Variants in GRIA1 observed in about 807,000 individuals in gnomAD.
GRIA1 encodes the protein glutamate receptor 1.
A neutral mutation model predicts 99.2 loss-of-function variants in GRIA1; 31 were observed. The observed-to-expected ratio is 0.31, with a 90% CI of 0.23 to 0.42. The LOEUF (loss-of-function observed/expected upper bound fraction) is 0.42, where lower values mean the gene tolerates loss of function less well. Ranked by LOEUF, GRIA1 falls within the 10% of genes least tolerant of loss-of-function variation. GRIA1 has a pLI of 1.00. For synonymous variants in GRIA1, 438 were observed against 432.4 expected, an observed-to-expected ratio of 1.01 and a Z score of -0.16; for missense variants, 782 against 1,157.5, an observed-to-expected ratio of 0.68 and a Z score of 4.71.
At chr5:153,732,925 C>CTTTTTTTT (rs1288005494) in intron 11 of GRIA1, among the ~76,000 whole-genome samples, 1 of 127,324 alleles carries the variant, frequency 7.9e-6, no homozygotes, top group Non-Finnish European at 1.7e-5. Context: ...AGTTAAATTT[C>CTTTTTTTT]TTTTTTTTTT....
chr5:153,759,933 C>A (rs1763069862), intron 11 of GRIA1, among the ~76,000 whole-genome samples: 1 of 151,952 alleles, frequency 6.6e-6, no homozygotes, highest in African/African-American at 2.4e-5. Flanking sequence ...TTAATAGAAT[C>A]AAGAACACAA....
chr5:153,585,257 C>G (rs954219696), intron 2 of GRIA1, among the ~76,000 whole-genome samples: 1 of 146,582 alleles, frequency 6.8e-6, no homozygotes. Flanking sequence ...CCCCTCATTT[C>G]TCTCTCTTCT....
chr5:153,762,600 A>G (rs1763257764), intron 11 of GRIA1, among the ~76,000 whole-genome samples: 1 of 152,210 alleles, frequency 6.6e-6, no homozygotes, highest in Admixed American at 6.5e-5. Context: ...TTTAAATCAC[A>G]CAATCTCATA....
intron 14 of GRIA1, among the ~76,000 whole-genome samples, chr5:153,802,147 T>C (rs1377704205): frequency 1.3e-5 from 2 of 152,070 alleles, no homozygotes; most frequent in South Asian, 4.1e-4. Flanking sequence ...GCTTGGAAAA[T>C]GTATAAATAC....
chr5:153,564,251 C>A (rs1761418135), intron 2 of GRIA1, among the ~76,000 whole-genome samples: 1 of 152,102 alleles, frequency 6.6e-6, no homozygotes, highest in African/African-American at 2.4e-5. Context: ...ATGGACTGGG[C>A]CCTGGAGTCT....
intron 14 of GRIA1, chr5:153,795,703 AG>A (rs2149662235): frequency 1.6e-6 from 1 of 608,814 alleles, no homozygotes; most frequent in Non-Finnish European, 2.9e-6. Context: ...GGGCCCCAGC[AG>A]GGCCTTGATG....
intron 5 of GRIA1, among the ~76,000 whole-genome samples, chr5:153,659,867 C>T (rs1252804586): frequency 6.6e-6 from 1 of 152,198 alleles, no homozygotes; most frequent in East Asian, 1.9e-4. Context: ...TGTTGGACAA[C>T]ATTGACCAGT....
In GRIA1 at chr5:153,698,107, G is replaced by C; in HGVS notation, c.1198G>C (p.Asp400His). ...AGCCACCGATGCCCAAGCTGGGGGCGATAATTCAAGTGTTCAGAACAGAAC... is the reference window on the plus strand; with the variant it reads ...AGCCACCGATGCCCAAGCTGGGGGCCATAATTCAAGTGTTCAGAACAGAAC... ...PAATDAQAGG[D>H]NSSVQNRTYI... The change falls in exon 9 of 16, where the codon GAT becomes CAT. Residue 400 changes from aspartate to histidine, a missense_variant. By Grantham distance (81) the Asp-to-His change is moderately conservative. Around this residue, in one of 5 missense-constraint regions of GRIA1, gnomAD observed 461 missense variants for 521.7 expected, o/e 0.88. Coordinates refer to ENST00000285900, the MANE Select transcript of GRIA1 (RefSeq NM_000827.4). 6.2e-7 allele frequency: 1 copy of C among 1,610,450 alleles called. No homozygotes were observed. The highest frequency in any genetic ancestry group is 8.5e-7 in the Non-Finnish European group (1 of 1,176,734).
At chr5:153,688,565 A>C (rs1757504829) in intron 8 of GRIA1, among the ~76,000 whole-genome samples, 1 of 152,170 alleles carries the variant, frequency 6.6e-6, no homozygotes, top group African/African-American at 2.4e-5. Flanking sequence ...AGCTATAGTA[A>C]ATGTTGAAGA....
chr5:153,679,686 G>T (rs1756838360), intron 7 of GRIA1, among the ~76,000 whole-genome samples: 2 of 152,338 alleles, frequency 1.3e-5, no homozygotes, highest in East Asian at 1.9e-4. Flanking sequence ...CAGGGAGCTG[G>T]GTAAATCCTG....
intron 14 of GRIA1, among the ~76,000 whole-genome samples, chr5:153,796,599 A>T (rs1765660040): frequency 6.6e-6 from 1 of 152,154 alleles, no homozygotes; most frequent in South Asian, 2.1e-4. Flanking sequence ...ATTAAAAGAG[A>T]ATTGAAAAGA....
intron 5 of GRIA1, among the ~76,000 whole-genome samples, chr5:153,670,434 A>T (rs1009925282): frequency 2.3e-5 from 3 of 127,684 alleles, no homozygotes; most frequent in Non-Finnish European, 5.6e-5. Context: ...TACTCTGTAG[A>T]TTAATTTCAT....
intron 2 of GRIA1, among the ~76,000 whole-genome samples, chr5:153,601,276 A>G (rs1342770639): frequency 2.0e-5 from 3 of 152,238 alleles, no homozygotes; most frequent in Non-Finnish European, 4.4e-5. Flanking sequence ...CTCATAACTC[A>G]TAAGTGGTAA....
intron 2 of GRIA1, among the ~76,000 whole-genome samples, chr5:153,554,290 C>G (rs529482798): frequency 6.6e-6 from 1 of 152,258 alleles, no homozygotes; most frequent in South Asian, 2.1e-4. Context: ...AATTTCCTTT[C>G]AGGCTAGCCA....
intron 15 of GRIA1, among the ~76,000 whole-genome samples, chr5:153,806,721 G>A (rs1766455059): frequency 6.6e-6 from 1 of 152,212 alleles, no homozygotes; most frequent in African/African-American, 2.4e-5. Context: ...GAGAGAGAGA[G>A]ATGAAAGGAA....
intron 2 of GRIA1, among the ~76,000 whole-genome samples, chr5:153,530,735 G>A (rs925482151): frequency 2.6e-5 from 4 of 152,176 alleles, no homozygotes; most frequent in Admixed American, 6.5e-5. Context: ...CTCTGGTAAG[G>A]AGCCTTCTTT....
chr5:153,513,835 T>A (rs1411228996), intron 2 of GRIA1, among the ~76,000 whole-genome samples: 2 of 152,006 alleles, frequency 1.3e-5, no homozygotes, highest in South Asian at 4.2e-4. Context: ...TCTCTATGTT[T>A]CAGTTTTTAT....
chr5:153,586,080 T>C (rs1561665057), intron 2 of GRIA1, among the ~76,000 whole-genome samples: 1 of 152,148 alleles, frequency 6.6e-6, no homozygotes, highest in African/African-American at 2.4e-5. Context: ...GAATGAGAAG[T>C]TGGGAAGAGA....
intron 2 of GRIA1, among the ~76,000 whole-genome samples, chr5:153,625,093 C>T (rs1412690825): frequency 1.3e-5 from 2 of 151,694 alleles, no homozygotes; most frequent in Admixed American, 6.6e-5. Flanking sequence ...ATATAAGTCC[C>T]TAGTACATCT....
Sources: gnomAD v4.1 joint callset for allele counts (sites outside exome capture counted in the v4.1 genomes callset) on GRCh38, gnomAD v4.1.1 for gene constraint, gnomAD v4.1.1 regional missense constraint, MANE v1.5 for transcripts, NCBI Gene and HGNC (gene_info 2026-07-23, HGNC 2026-07-21) for gene names.